DNAJC13: variants seen among roughly 807,000 people sequenced by gnomAD.
DNAJC13 encodes DnaJ heat shock protein family (Hsp40) member C13.
A neutral mutation model predicts 290.5 loss-of-function variants in DNAJC13; 75 were observed. The observed-to-expected ratio is 0.26, with a 90% confidence interval of 0.21 to 0.31. The LOEUF (loss-of-function observed/expected upper bound fraction) is 0.31, where lower values mean the gene tolerates loss of function less well. Among genes scored for constraint, DNAJC13 ranks in the 10% least tolerant of loss-of-function variants. The pLI, the probability that DNAJC13 is intolerant of heterozygous loss-of-function variation, is 1.00. For synonymous variants in DNAJC13, 862 were observed against 892.0 expected (o/e 0.97, Z 0.60); for missense variants, 2,260 against 2,674.5 (o/e 0.85, Z 3.42).
intron 55 of DNAJC13, among the ~76,000 whole-genome samples, chr3:132,536,456 C>G (rs1271958532): frequency 6.6e-6 from 1 of 152,212 alleles, no homozygotes; most frequent in Non-Finnish European, 1.5e-5. Context: ...CAGGGTGCCT[C>G]AGCACACAGT....
intron 1 of DNAJC13, among the ~76,000 whole-genome samples, chr3:132,424,714 T>A (rs935885607): frequency 2.0e-5 from 3 of 152,148 alleles, no homozygotes; most frequent in African/African-American, 7.2e-5. Context: ...TGGCTTTTTT[T>A]ATTCTTCAAC....
chr3:132,486,889 CTG>C (rs1447710046), intron 29 of DNAJC13, among the ~76,000 whole-genome samples: 13 of 151,874 alleles, frequency 8.6e-5, no homozygotes, highest in Non-Finnish European at 1.8e-4. Context: ...AGGTGTGTGT[CTG>C]TGTGTGTGCT....
intron 29 of DNAJC13, among the ~76,000 whole-genome samples, chr3:132,487,144 T>C (rs949597929): frequency 3.9e-5 from 6 of 152,198 alleles, no homozygotes; most frequent in African/African-American, 1.4e-4. Flanking sequence ...CATAGAGAAA[T>C]TTAAGTTATT....
At position 132,528,203 on chromosome 3, in the gene DNAJC13, T is replaced by G; in HGVS notation, c.6396T>G (p.Asp2132Glu). The G allele has an allele frequency of 6.2e-7, 1 of 1,614,076 alleles. No individual in the cohort carries two copies. The highest frequency in any genetic ancestry group is 8.5e-7 in the Non-Finnish European group (1 of 1,179,970). The change falls in exon 54 of 56, where the codon GAT (aspartate) becomes GAG (glutamate). Residue 2132 changes from aspartate to glutamate, a missense_variant. This residue lies in a region of DNAJC13 where 1,494 missense variants were observed against 1,693.7 expected (regional missense o/e 0.88). Transcript: ENST00000260818. The part of the protein sequence containing the change: ...SELVAQALKA[D>E]LVPYLLKLLE... ...ATTTCTTCTAGGCCCTGAAAGCAGA[T>G]TTGGTTCCATACCTCTTAAAATTAC...
At chr3:132,450,068 T>G (rs1461294140) in intron 5 of DNAJC13, among the ~76,000 whole-genome samples, 3 of 152,128 alleles carry the variant, frequency 2.0e-5, no homozygotes, top group Non-Finnish European at 4.4e-5. Flanking sequence ...AAATGGAATT[T>G]TACTTGCTAA....
intron 1 of DNAJC13, among the ~76,000 whole-genome samples, chr3:132,429,089 G>A (rs940957502): frequency 2.6e-5 from 4 of 152,226 alleles, no homozygotes; most frequent in African/African-American, 7.2e-5. Context: ...TTTATTTATA[G>A]ATGATAGAAT....
chr3:132,494,338 C>A, intron 34 of DNAJC13, 79 bp downstream of exon 34: 2 of 1,104,774 alleles, frequency 1.8e-6, no homozygotes, highest in East Asian at 2.4e-5. Context: ...ATATTTAAAT[C>A]AATCATTTTA....
intron 41 of DNAJC13, among the ~76,000 whole-genome samples, chr3:132,503,857 G>C (rs553899167): frequency 6.6e-6 from 1 of 152,112 alleles, no homozygotes; most frequent in East Asian, 1.9e-4. Flanking sequence ...TGACATGATA[G>C]ATCTCCCAAC....
intron 25 of DNAJC13, among the ~76,000 whole-genome samples, chr3:132,479,569 TAA>T (rs1559888787): frequency 6.6e-6 from 1 of 152,158 alleles, no homozygotes; most frequent in East Asian, 1.9e-4. Flanking sequence ...TTTTTAATAA[TAA>T]AAATTAGCTT....
At chr3:132,474,098 A>C (rs1193994219) in intron 21 of DNAJC13, among the ~76,000 whole-genome samples, 1 of 152,312 alleles carries the variant, frequency 6.6e-6, no homozygotes, top group East Asian at 1.9e-4. Context: ...GGCAGTTTGC[A>C]GTATTCTTTC....
intron 17 of DNAJC13, among the ~76,000 whole-genome samples, chr3:132,465,749 G>A (rs1425629815): frequency 6.6e-6 from 1 of 151,496 alleles, no homozygotes; most frequent in African/African-American, 2.4e-5. Context: ...TTCCTGTTCG[G>A]GTTTATTGAA....
chr3:132,421,089 T>G (rs895935566), intron 1 of DNAJC13, among the ~76,000 whole-genome samples: 3 of 152,220 alleles, frequency 2.0e-5, no homozygotes, highest in South Asian at 2.1e-4. Context: ...TCTGAATTAC[T>G]GTGAAGTAGT....
intron 55 of DNAJC13, among the ~76,000 whole-genome samples, chr3:132,535,903 G>A (rs1052257622): frequency 1.3e-5 from 2 of 152,172 alleles, no homozygotes; most frequent in Non-Finnish European, 2.9e-5. Flanking sequence ...AGGGTCCTGG[G>A]GAGAGCATCT....
rs1392112667 is a variant in DNAJC13, at chr3:132,478,024, C to G, written c.2593C>G (p.Pro865Ala). 16 of 1,612,610 alleles carry G rather than the reference C, an allele frequency of 9.9e-6. No homozygotes were observed. Among genetic ancestry groups the G allele is most frequent in the Non-Finnish European group, 1.3e-5 (15 of 1,179,678 alleles). ...NELYHRFLLT[P>A]KVNMKCLCLQ... Reference sequence around the variant, plus strand: ...GCTTTATCATCGCTTCTTGCTCACCCCAAAAGTAAACATGAAGTGTTTATG... The same window carrying G: ...GCTTTATCATCGCTTCTTGCTCACCGCAAAAGTAAACATGAAGTGTTTATG... The change falls in exon 24 of 56, where the codon CCA becomes GCA. Residue 865 changes from proline (P) to alanine (A), a missense_variant. This residue lies in a region of DNAJC13 where 1,494 missense variants were observed against 1,693.7 expected (regional missense o/e 0.88). Transcript: ENST00000260818.
chr3:132,505,499 T>G, intron 42 of DNAJC13, 84 bp downstream of exon 42: 1 of 867,782 alleles, frequency 1.2e-6, no homozygotes, highest in Non-Finnish European at 1.8e-6. Context: ...AGAACAGAAA[T>G]CCACTACTTC....
intron 12 of DNAJC13, among the ~76,000 whole-genome samples, 182 bp from the exon 13 acceptor site, chr3:132,457,087 T>C (rs1016469133): frequency 6.6e-6 from 1 of 152,146 alleles, no homozygotes; most frequent in African/African-American, 2.4e-5. Context: ...TAGTTAACCC[T>C]AAAAAATATT....
Position 132,489,034 on chromosome 3 carries a change from A to G in DNAJC13, c.3468+13A>G, listed in dbSNP as rs1161945248. On this transcript the variant is annotated intron_variant, in intron 31 of 55. Coordinates refer to ENST00000260818, the MANE Select transcript of DNAJC13 (RefSeq NM_015268.4). ...CAAGTCAGAAGAGGTAAGCCAGGTT[A>G]ATCCTCTGAATACTTAACCCTGGGT... is the stretch of plus-strand genomic sequence containing the variant. 1.2e-6 allele frequency: 2 copies of G among 1,607,066 alleles called. No individual in the cohort carries two copies. Among genetic ancestry groups the G allele is most frequent in the Non-Finnish European group, 1.7e-6 (2 of 1,174,296 alleles).
At chr3:132,476,634 TTG>T (rs1934482186) in intron 22 of DNAJC13, among the ~76,000 whole-genome samples, 1 of 152,260 alleles carries the variant, frequency 6.6e-6, no homozygotes, top group African/African-American at 2.4e-5. Flanking sequence ...ATGCTAAGCA[TTG>T]TTTCTTTTAT....
intron 45 of DNAJC13, 148 bp from the exon 46 acceptor site, chr3:132,514,423 G>A (rs1935862809): frequency 1.8e-6 from 1 of 571,194 alleles, no homozygotes; most frequent in Non-Finnish European, 3.0e-6. Context: ...GATTAATAAA[G>A]GCAATCTTTT....
Sources: gnomAD v4.1 joint callset for allele counts (sites outside exome capture counted in the v4.1 genomes callset) on GRCh38, gnomAD v4.1.1 for gene constraint, gnomAD v4.1.1 regional missense constraint, MANE v1.5 for transcripts, NCBI Gene and HGNC (gene_info 2026-07-23, HGNC 2026-07-21) for gene names.